Variants in NPEPPS observed in about 807,000 individuals in gnomAD.
NPEPPS encodes aminopeptidase puromycin sensitive, also known as puromycin-sensitive aminopeptidase.
In NPEPPS, 14 loss-of-function variants were observed where a neutral mutation model predicts 115.5. That is an observed-to-expected ratio of 0.12 (90% CI 0.08 to 0.19). The LOEUF (loss-of-function observed/expected upper bound fraction) is 0.19, where lower values mean the gene tolerates loss of function less well. NPEPPS is among the 10% of genes least tolerant of loss of function. NPEPPS has a pLI of 1.00. For missense variants in NPEPPS, 523 were observed against 1,110.8 expected (o/e 0.47, Z 7.52); for synonymous variants, 285 against 390.6 (o/e 0.73, Z 3.19).
chr17:47,618,993 C>T lies in NPEPPS; in HGVS notation c.2404-16C>T, dbSNP rs371355068. On this transcript the variant is annotated splice_polypyrimidine_tract_variant and intron_variant, in intron 20 of 22. Coordinates refer to ENST00000322157, the MANE Select transcript of NPEPPS (RefSeq NM_006310.4). ...TTTTTGATACACTAGACTTTTAGCT[C>T]TCTTTCTTTTTTTAGGAAGAGGTAC... 1.2e-5 allele frequency: 19 copies of T among 1,609,628 alleles called. No individual in the cohort carries two copies. In the South Asian group the frequency reaches 1.3e-4, roughly 11 times the overall value.
intron 1 of NPEPPS, among the ~76,000 whole-genome samples, chr17:47,545,138 A>AG (rs1042174468): frequency 3.3e-5 from 5 of 152,074 alleles, no homozygotes; most frequent in African/African-American, 1.2e-4. Flanking sequence ...TCCAGTAGTT[A>AG]GGACTGTAGG....
intron 2 of NPEPPS, among the ~76,000 whole-genome samples, chr17:47,552,075 T>A (rs1328251734): frequency 7.5e-6 from 1 of 134,138 alleles, no homozygotes; most frequent in African/African-American, 2.6e-5. Context: ...CAAGTTACTC[T>A]CCCACCACAG....
intron 1 of NPEPPS, among the ~76,000 whole-genome samples, chr17:47,544,136 C>T (rs1240067589): frequency 1.3e-5 from 2 of 152,028 alleles, no homozygotes; most frequent in Non-Finnish European, 2.9e-5. Context: ...CCTCATGATC[C>T]GCCTGCCTCG....
intron 17 of NPEPPS, among the ~76,000 whole-genome samples, chr17:47,607,402 G>A (rs1913581103): frequency 6.6e-6 from 1 of 152,140 alleles, no homozygotes; most frequent in Non-Finnish European, 1.5e-5. Flanking sequence ...TAGGGTATTC[G>A]AGGAATAACA....
At chr17:47,588,902 C>T (rs1477671950) in intron 9 of NPEPPS, among the ~76,000 whole-genome samples, 1 of 152,072 alleles carries the variant, frequency 6.6e-6, no homozygotes, top group Non-Finnish European at 1.5e-5. Context: ...CAAATAGCCA[C>T]TTATCACTTA....
At chr17:47,533,292 A>G (rs1446837567) in intron 1 of NPEPPS, among the ~76,000 whole-genome samples, 1 of 152,038 alleles carries the variant, frequency 6.6e-6, no homozygotes, top group Non-Finnish European at 1.5e-5. Context: ...CATTAAGAAT[A>G]TGAATCAGAA....
At chr17:47,553,968 T>C (rs1281952288) in intron 2 of NPEPPS, among the ~76,000 whole-genome samples, 1 of 151,690 alleles carries the variant, frequency 6.6e-6, no homozygotes, top group Admixed American at 6.6e-5. Flanking sequence ...GCCAGGATGG[T>C]CTCCATCTTC....
At chr17:47,550,027 C>T (rs1018106305) in intron 2 of NPEPPS, among the ~76,000 whole-genome samples, 1 of 144,108 alleles carries the variant, frequency 6.9e-6, no homozygotes, top group Non-Finnish European at 1.5e-5. Context: ...CTCTGCCTCC[C>T]GGGTTCACGC....
intron 1 of NPEPPS, among the ~76,000 whole-genome samples, chr17:47,525,045 T>C (rs1770291481): frequency 6.6e-6 from 1 of 151,958 alleles, no homozygotes; most frequent in South Asian, 2.1e-4. Flanking sequence ...GACTTTCCCA[T>C]TCCTTCTGAA....
At chr17:47,605,969 C>T in intron 17 of NPEPPS, among the ~76,000 whole-genome samples, 1 of 152,070 alleles carries the variant, frequency 6.6e-6, no homozygotes. Flanking sequence ...CCTCCGCTTC[C>T]CAGGTTCAAG....
At chr17:47,576,973 A>G in intron 3 of NPEPPS, 1 of 284,344 alleles carries the variant, frequency 3.5e-6, no homozygotes, top group South Asian at 3.1e-5. Flanking sequence ...AATTGGTATC[A>G]TATAATGTGA....
intron 5 of NPEPPS, among the ~76,000 whole-genome samples, chr17:47,584,866 C>A (rs1213346991): frequency 6.6e-6 from 1 of 152,064 alleles, no homozygotes; most frequent in Non-Finnish European, 1.5e-5. Context: ...CTCGCTGTGT[C>A]GCCCAGGCTG....
chr17:47,555,119 CAA>C (rs1909914610), intron 2 of NPEPPS, among the ~76,000 whole-genome samples: 1 of 152,050 alleles, frequency 6.6e-6, no homozygotes, highest in African/African-American at 2.4e-5. Context: ...TTATGGGTAA[CAA>C]AATTATTTCG....
At chr17:47,544,502 G>A (rs1189739415) in intron 1 of NPEPPS, among the ~76,000 whole-genome samples, 3 of 141,552 alleles carry the variant, frequency 2.1e-5, no homozygotes, top group African/African-American at 5.3e-5. Context: ...GAAATTAAAC[G>A]TATTTATTTA....
intron 13 of NPEPPS, 97 bp downstream of exon 13, chr17:47,596,559 T>C (rs905045645): frequency 3.1e-6 from 2 of 643,472 alleles, no homozygotes; most frequent in Admixed American, 6.8e-5. Flanking sequence ...AGTTTTCTAG[T>C]GACATTTAAA....
At chr17:47,526,492 C>T (rs1907437750), upstream of NPEPPS, among the ~76,000 whole-genome samples, 1 of 152,158 alleles carries the variant, frequency 6.6e-6, no homozygotes, top group Non-Finnish European at 1.5e-5. Flanking sequence ...AACCGGTTAG[C>T]TTGTTAAGAC....
At chr17:47,620,686 T>C (rs1212682405) in intron 22 of NPEPPS, among the ~76,000 whole-genome samples, 1 of 152,166 alleles carries the variant, frequency 6.6e-6, no homozygotes, top group African/African-American at 2.4e-5. Context: ...GGTTATTGAT[T>C]TCTAAAAGGT....
chr17:47,619,291 C>T (rs1333062487), intron 21 of NPEPPS, 127 bp downstream of exon 21: 8 of 938,142 alleles, frequency 8.5e-6, no homozygotes, highest in African/African-American at 6.5e-5. Context: ...CAGTGGCTCA[C>T]GCCTGTAATA....
chr17:47,608,761 G>T (rs372716299), intron 17 of NPEPPS, among the ~76,000 whole-genome samples: 1 of 149,480 alleles, frequency 6.7e-6, no homozygotes, highest in Non-Finnish European at 1.5e-5. Flanking sequence ...CCAGGAGAGA[G>T]GGGGGGTATC....
Sources: allele counts gnomAD v4.1 joint callset (sites outside exome capture counted in the v4.1 genomes callset), GRCh38; gene constraint gnomAD v4.1.1; transcripts MANE v1.5; gene names NCBI Gene and HGNC (gene_info 2026-07-23, HGNC 2026-07-21).